SYK: variants seen among roughly 807,000 people sequenced by gnomAD.
SYK encodes spleen associated tyrosine kinase.
Under a neutral mutation model 77.8 loss-of-function variants are expected in SYK, and 16 were observed. The ratio of observed to expected loss-of-function variants is 0.21; its 90% confidence interval spans 0.14 to 0.31. The LOEUF (loss-of-function observed/expected upper bound fraction) is 0.31. Among genes scored for constraint, SYK ranks in the 10% least tolerant of loss-of-function variants. The pLI is 1.00. For synonymous variants in SYK, 312 were observed against 308.7 expected, an observed-to-expected ratio of 1.01 and a Z score of -0.11; for missense variants, 529 against 814.4, an observed-to-expected ratio of 0.65 and a Z score of 4.26.
At chr9:90,802,686 A>G (rs1826774937) in intron 1 of SYK, among the ~76,000 whole-genome samples, 1 of 152,122 alleles carries the variant, frequency 6.6e-6, no homozygotes, top group South Asian at 2.1e-4. Context: ...TAGAAAGACA[A>G]TTGGAGAAGT....
At chr9:90,868,405 A>G (rs1827600354) in intron 7 of SYK, among the ~76,000 whole-genome samples, 1 of 152,210 alleles carries the variant, frequency 6.6e-6, no homozygotes, top group South Asian at 2.1e-4. Flanking sequence ...GTATATGTGT[A>G]GATAACAACC....
intron 3 of SYK, among the ~76,000 whole-genome samples, chr9:90,853,119 ATC>A (rs1278028628): frequency 1.3e-5 from 2 of 151,236 alleles, no homozygotes; most frequent in African/African-American, 4.9e-5. Context: ...GGTGGGAAAA[ATC>A]TCTCTGGGTA....
intron 2 of SYK, among the ~76,000 whole-genome samples, 200 bp from the exon 3 acceptor site, chr9:90,845,234 C>T (rs1470728597): frequency 6.6e-6 from 1 of 152,178 alleles, no homozygotes; most frequent in Admixed American, 6.5e-5. Context: ...CCGTGCCCGG[C>T]CATGTTATTT....
At chr9:90,805,480 T>C (rs1427150448) in intron 1 of SYK, among the ~76,000 whole-genome samples, 9 of 152,200 alleles carry the variant, frequency 5.9e-5, no homozygotes, top group Non-Finnish European at 1.3e-4. Flanking sequence ...TCGACCTGGA[T>C]ACTGTGAACT....
chr9:90,889,073 G>A (rs1828689361), intron 13 of SYK, among the ~76,000 whole-genome samples: 2 of 152,192 alleles, frequency 1.3e-5, no homozygotes, highest in Admixed American at 1.3e-4. Flanking sequence ...CATTGGCTAA[G>A]GTTGCACTTC....
intron 2 of SYK, among the ~76,000 whole-genome samples, chr9:90,844,597 G>T (rs1295367719): frequency 6.6e-6 from 1 of 152,234 alleles, no homozygotes; most frequent in Non-Finnish European, 1.5e-5. Flanking sequence ...TTTCAGAGAG[G>T]CATTGATAGG....
chr9:90,870,748 A>AT (rs777385433), intron 7 of SYK, among the ~76,000 whole-genome samples: 2 of 152,232 alleles, frequency 1.3e-5, no homozygotes, highest in African/African-American at 2.4e-5. Flanking sequence ...CACCAAAAAA[A>AT]GGAAACCAAA....
intron 11 of SYK, among the ~76,000 whole-genome samples, chr9:90,886,901 G>A (rs1828598498): frequency 6.6e-6 from 1 of 152,086 alleles, no homozygotes; most frequent in Non-Finnish European, 1.5e-5. Flanking sequence ...TGGATGAATG[G>A]ATAAAGAAAA....
chr9:90,874,646 T>C (rs1371263139), intron 8 of SYK, 26 bp from the exon 9 acceptor site: 1 of 1,597,890 alleles, frequency 6.3e-7, no homozygotes, highest in Admixed American at 1.7e-5. Context: ...CAGCCCCAGG[T>C]CGTATGTTTC....
chr9:90,863,931 C>A (rs1282166851), intron 4 of SYK, among the ~76,000 whole-genome samples: 3 of 152,208 alleles, frequency 2.0e-5, no homozygotes, highest in African/African-American at 7.2e-5. Flanking sequence ...AGAATCTTTA[C>A]TATTTGTATT....
chr9:90,892,602 C>T (rs775042338), intron 13 of SYK, among the ~76,000 whole-genome samples: 1 of 152,138 alleles, frequency 6.6e-6, no homozygotes. Flanking sequence ...AAGGAGGCAG[C>T]GTGAAAGCCA....
chr9:90,833,643 G>T (rs953036569), intron 1 of SYK, among the ~76,000 whole-genome samples: 1 of 152,208 alleles, frequency 6.6e-6, no homozygotes, highest in South Asian at 2.1e-4. Flanking sequence ...AGCTGAAAGG[G>T]TATCTGAAAC....
rs761206068 is a variant in SYK, at chr9:90,888,626, G to A, written c.1834G>A (p.Asp612Asn). 23 of 1,591,568 alleles carry A rather than the reference G, an allele frequency of 1.4e-5. No homozygotes were observed. The highest frequency in any genetic ancestry group is 1.7e-4 in the Middle Eastern group (1 of 6,034). The change falls in exon 13 of 14, where the codon GAT (aspartate) becomes AAT (asparagine). Residue 612 changes from aspartate to asparagine, a missense_variant and splice_region_variant. Physicochemically the swap from Asp to Asn is conservative, Grantham distance 23 (BLOSUM62 1). Around this residue, in one of 2 missense-constraint regions of SYK, gnomAD observed 208 missense variants for 381.3 expected, o/e 0.55. Transcript: ENST00000375754. ...TCTCATGAATCTGTGCTGGACATAC[G>A]AGTGAGTACCTGACACTGACTGTGA... Reference protein sequence around the residue: ...YDLMNLCWTYDVENRPGFAAV... With the variant: ...YDLMNLCWTYNVENRPGFAAV...
At chr9:90,884,149 G>C (rs1587912414) in intron 11 of SYK, among the ~76,000 whole-genome samples, 1 of 38,726 alleles carries the variant, frequency 2.6e-5, no homozygotes, top group East Asian at 4.3e-3. Flanking sequence ...ATATATGTGT[G>C]TGTGTATATA....
chr9:90,888,664 C>A (rs1828671965), intron 13 of SYK, 37 bp downstream of exon 13: 2 of 1,443,356 alleles, frequency 1.4e-6, no homozygotes, highest in Admixed American at 2.4e-5. Context: ...TATTCAGATG[C>A]TCTGGAAACA....
chr9:90,864,194 A>G (rs1827379033), intron 4 of SYK, among the ~76,000 whole-genome samples: 1 of 152,276 alleles, frequency 6.6e-6, no homozygotes, highest in Middle Eastern at 3.4e-3. Context: ...TTTACTGTAG[A>G]CCAGGGATCT....
chr9:90,827,637 C>T (rs1489626772), intron 1 of SYK: 1 of 152,172 alleles, frequency 6.6e-6, no homozygotes. Context: ...AGGCTCTGCG[C>T]ATCTGTGGGT....
At chr9:90,808,522 G>C (rs748719088) in intron 1 of SYK, among the ~76,000 whole-genome samples, 23 of 150,384 alleles carry the variant, frequency 1.5e-4, no homozygotes, top group Non-Finnish European at 3.2e-4. Flanking sequence ...CTTGCAGCCT[G>C]TCCCACATGA....
chr9:90,846,793 C>T (rs568235012), intron 3 of SYK, among the ~76,000 whole-genome samples: 15 of 151,912 alleles, frequency 9.9e-5, no homozygotes, highest in African/African-American at 3.6e-4. Context: ...GCAGCCCCAG[C>T]CAGCAGCAGA....
Sources: allele counts gnomAD v4.1 joint callset (sites outside exome capture counted in the v4.1 genomes callset), GRCh38; gene constraint gnomAD v4.1.1; regional missense constraint gnomAD v4.1.1; transcripts MANE v1.5; gene names NCBI Gene and HGNC (gene_info 2026-07-23, HGNC 2026-07-21).